Variants in CSMD2 observed in about 807,000 individuals in gnomAD.
CSMD2 encodes the protein CUB and sushi domain-containing protein 2.
Under a neutral mutation model 398.5 loss-of-function variants are expected in CSMD2, and 130 were observed. The ratio of observed to expected loss-of-function variants is 0.33; its 90% CI spans 0.28 to 0.38. The LOEUF is 0.38. CSMD2 is among the 10% of genes least tolerant of loss of function. The probability of loss-of-function intolerance (pLI) is 1.00; values close to 1 mark genes in which losing one functional copy is unlikely to be tolerated. For synonymous variants in CSMD2, 1,828 were observed against 1,908.5 expected, an observed-to-expected ratio of 0.96 and a Z score of 1.10; for missense variants, 3,829 against 4,764.9, an observed-to-expected ratio of 0.80 and a Z score of 5.78.
At position 33,559,061 on chromosome 1, in the gene CSMD2, A is replaced by T. The variant is rs952467172; in HGVS notation, c.8554+239T>A. Among the ~76,000 whole-genome samples, 1 of 152,262 alleles carries T rather than the reference A, an allele frequency of 6.6e-6. No homozygotes were observed. The highest frequency in any genetic ancestry group is 6.5e-5 in the Admixed American group (1 of 15,284). On this transcript the variant is annotated intron_variant, in intron 54 of 70. Transcript: ENST00000373381. This position sits in a 1 kb window ranked among gnomAD's most constrained non-coding sequence, Gnocchi z 4.0. Reference sequence around the variant, plus strand: ...ATTTGTTCAATGAAAGGTAAAAAAGACGACTTGAAAGATAAAACTTAAGTT... The same window carrying T: ...ATTTGTTCAATGAAAGGTAAAAAAGTCGACTTGAAAGATAAAACTTAAGTT...
intron 22 of CSMD2, among the ~76,000 whole-genome samples, chr1:33,702,514 G>A (rs1446631597): frequency 6.6e-6 from 1 of 152,074 alleles, no homozygotes; most frequent in African/African-American, 2.4e-5. Flanking sequence ...CTTACAACAT[G>A]TTGGTAAGTG....
chr1:33,609,706 A>G (rs1202112239), intron 41 of CSMD2, among the ~76,000 whole-genome samples: 3 of 152,240 alleles, frequency 2.0e-5, no homozygotes, highest in Non-Finnish European at 2.9e-5. Context: ...AAACTATAGT[A>G]CGATCCAATT....
At chr1:33,728,212 A>T (rs1646602707) in intron 15 of CSMD2, among the ~76,000 whole-genome samples, 1 of 152,142 alleles carries the variant, frequency 6.6e-6, no homozygotes, top group Admixed American at 6.5e-5. Context: ...CAGATGCCAA[A>T]AATTCCCTGA....
chr1:33,624,296 C>A lies in CSMD2; in HGVS notation c.5625+223G>T, dbSNP rs955245815. Among the ~76,000 whole-genome samples the A allele has an allele frequency of 2.0e-5, 3 of 152,194 alleles. No homozygotes were observed. Among genetic ancestry groups the A allele is most frequent in the Non-Finnish European group, 4.4e-5 (3 of 68,032 alleles). ...CGACTCCCACCGCATGTCCCTGAAG[C>A]TCTTGGGGCCTGGAACCTGCTGTGT... On this transcript the variant is annotated intron_variant, in intron 35 of 70. Coordinates refer to ENST00000373381, the MANE Select transcript of CSMD2 (RefSeq NM_001281956.2). This position sits in a 1 kb window ranked among gnomAD's most constrained non-coding sequence, Gnocchi z 4.7.
intron 57 of CSMD2, among the ~76,000 whole-genome samples, chr1:33,544,251 C>T (rs1202337435): frequency 6.6e-6 from 1 of 151,122 alleles, no homozygotes; most frequent in Non-Finnish European, 1.5e-5. Flanking sequence ...GGACTACAGG[C>T]GCCTGCTACC....
At chr1:33,604,809 G>A (rs1346918760) in intron 42 of CSMD2, among the ~76,000 whole-genome samples, 1 of 103,792 alleles carries the variant, frequency 9.6e-6, no homozygotes, top group Non-Finnish European at 2.2e-5. Flanking sequence ...CTCCAGCCCT[G>A]TGTAGAAGGA....
intron 5 of CSMD2, among the ~76,000 whole-genome samples, chr1:33,853,090 T>G (rs1168743538): frequency 6.6e-6 from 1 of 152,226 alleles, no homozygotes; most frequent in Non-Finnish European, 1.5e-5. Flanking sequence ...CTTCAACATT[T>G]CATTATAATG....
At chr1:33,974,293 C>A (rs923851225) in intron 3 of CSMD2, among the ~76,000 whole-genome samples, 4 of 152,204 alleles carry the variant, frequency 2.6e-5, no homozygotes, top group Non-Finnish European at 5.9e-5. Flanking sequence ...TGGGCTCGCA[C>A]AAATCTCACA....
chr1:33,590,981 C>CTTTTT (rs11374822), intron 44 of CSMD2, among the ~76,000 whole-genome samples: 63 of 67,164 alleles, frequency 9.4e-4, no homozygotes, highest in African/African-American at 1.0e-3. Context: ...TTTTATTTAT[C>CTTTTT]TTTTTTTTTT....
intron 5 of CSMD2, among the ~76,000 whole-genome samples, chr1:33,914,758 C>G (rs1342597662): frequency 1.3e-5 from 2 of 152,182 alleles, no homozygotes; most frequent in Non-Finnish European, 2.9e-5. Flanking sequence ...TGGGCACATA[C>G]TGTTATTTAT....
At chr1:33,965,370 A>T (rs1645520901) in intron 3 of CSMD2, among the ~76,000 whole-genome samples, 1 of 152,108 alleles carries the variant, frequency 6.6e-6, no homozygotes, top group Non-Finnish European at 1.5e-5. Flanking sequence ...CAAGAGAACA[A>T]ATGCATGCCA....
intron 1 of CSMD2, among the ~76,000 whole-genome samples, chr1:34,136,227 A>G (rs1406844541): frequency 6.6e-6 from 1 of 152,236 alleles, no homozygotes; most frequent in Non-Finnish European, 1.5e-5. Flanking sequence ...GACTTTCAAA[A>G]TAAATTACTT....
At chr1:33,686,521 T>C (rs1477935048) in intron 25 of CSMD2, among the ~76,000 whole-genome samples, 1 of 152,194 alleles carries the variant, frequency 6.6e-6, no homozygotes, top group Non-Finnish European at 1.5e-5. Flanking sequence ...TCCACTCTTG[T>C]CACACACATC....
chr1:34,141,096 C>T (rs1639250188), intron 1 of CSMD2, among the ~76,000 whole-genome samples: 1 of 152,132 alleles, frequency 6.6e-6, no homozygotes, highest in South Asian at 2.1e-4. Context: ...AAACTACCTG[C>T]TCCACCTTTT....
chr1:33,774,102 T>G (rs1651636725), intron 12 of CSMD2, among the ~76,000 whole-genome samples: 1 of 141,448 alleles, frequency 7.1e-6, no homozygotes, highest in South Asian at 2.4e-4. Flanking sequence ...ATTCTATGGC[T>G]GGGATTGTGT....
At chr1:33,979,295 G>C (rs1021859782) in intron 3 of CSMD2, among the ~76,000 whole-genome samples, 2 of 152,190 alleles carry the variant, frequency 1.3e-5, no homozygotes, top group African/African-American at 2.4e-5. Context: ...GGTGGAGTAG[G>C]GGTGGTTGTC....
chr1:33,644,744 C>T (rs1224633188), intron 29 of CSMD2, among the ~76,000 whole-genome samples: 1 of 151,954 alleles, frequency 6.6e-6, no homozygotes, highest in Non-Finnish European at 1.5e-5. Context: ...AATGGAGGTC[C>T]CAGACTGGGT....
In CSMD2 at chr1:33,537,467, C is replaced by T; in HGVS notation, c.9774G>A (p.Gly3258=). Reference sequence around the variant, plus strand: ...AGCTGGGCTGGGTGCCACTCCATGTCCCATCTGACTGGCAAAACCTGCGTG... The same window carrying T: ...AGCTGGGCTGGGTGCCACTCCATGTTCCATCTGACTGGCAAAACCTGCGTG... ...GSPRRFCQSD[G]TWSGTQPSCI... Residue 3258 remains glycine (G), a synonymous_variant, in exon 61 of 71, where the codon GGG becomes GGA. Transcript: ENST00000373381. The surrounding 1 kb of genome is among the most constrained non-coding windows in gnomAD (Gnocchi z 4.6). The T allele has an allele frequency of 6.2e-7, 1 of 1,613,984 alleles. No individual in the cohort carries two copies. Among genetic ancestry groups the T allele is most frequent in the Non-Finnish European group, 8.5e-7 (1 of 1,179,900 alleles).
At chr1:33,540,755 G>A (rs958342257) in intron 59 of CSMD2, 57 bp from the exon 60 acceptor site, 139 of 1,589,786 alleles carry the variant, frequency 8.7e-5, no homozygotes, top group Non-Finnish European at 1.1e-4. Flanking sequence ...ACCAGCCCCC[G>A]TCACCATCAT....
Sources: gnomAD v4.1 joint callset for allele counts (sites outside exome capture counted in the v4.1 genomes callset) on GRCh38, gnomAD v4.1.1 for gene constraint, Gnocchi (gnomAD v3.1) non-coding constraint, MANE v1.5 for transcripts, NCBI Gene and HGNC (gene_info 2026-07-23, HGNC 2026-07-21) for gene names.